Variants in PPP1R21 observed in about 807,000 individuals in gnomAD.
PPP1R21 encodes the protein KLRAQ motif containing 1.
Under a neutral mutation model 112.8 loss-of-function variants are expected in PPP1R21, and 85 were observed. The ratio of observed to expected loss-of-function variants is 0.75; its 90% CI spans 0.63 to 0.90. The LOEUF (loss-of-function observed/expected upper bound fraction) is 0.90. Ranked by LOEUF, PPP1R21 falls within the 40% of genes least tolerant of loss-of-function variation. The pLI is 0.00. For synonymous variants in PPP1R21, 381 were observed against 322.3 expected, an observed-to-expected ratio of 1.18 and a Z score of -1.95; for missense variants, 1,199 against 901.5, an observed-to-expected ratio of 1.33 and a Z score of -4.23.
At chr2:48,464,052 A>G (rs1668097479) in intron 7 of PPP1R21, among the ~76,000 whole-genome samples, 1 of 152,292 alleles carries the variant, frequency 6.6e-6, no homozygotes, top group Admixed American at 6.5e-5. Context: ...TAGGCAGAGT[A>G]AATTGTAGTG....
At chr2:48,494,726 A>C (rs936839305) in intron 15 of PPP1R21, among the ~76,000 whole-genome samples, 1 of 150,344 alleles carries the variant, frequency 6.7e-6, no homozygotes, top group East Asian at 1.9e-4. Flanking sequence ...TTATTTATTT[A>C]TTTTTGAGAT....
intron 13 of PPP1R21, among the ~76,000 whole-genome samples, chr2:48,481,682 G>T (rs1669019117): frequency 6.6e-6 from 1 of 152,004 alleles, no homozygotes; most frequent in African/African-American, 2.4e-5. Flanking sequence ...TTTGAGACTA[G>T]CCTGGGCAAC....
chr2:48,456,720 A>G (rs1303601289), intron 3 of PPP1R21, among the ~76,000 whole-genome samples: 2 of 152,196 alleles, frequency 1.3e-5, no homozygotes, highest in Admixed American at 6.5e-5. Context: ...AGAGGGTATA[A>G]CACTTATGTA....
At chr2:48,487,912 A>G (rs879649795) in intron 14 of PPP1R21, among the ~76,000 whole-genome samples, 15 of 152,142 alleles carry the variant, frequency 9.9e-5, no homozygotes, top group Non-Finnish European at 1.6e-4. Flanking sequence ...AACCAAAAGG[A>G]CTGTATTCAG....
chr2:48,492,310 C>G (rs1669603079), intron 15 of PPP1R21, among the ~76,000 whole-genome samples: 2 of 151,990 alleles, frequency 1.3e-5, no homozygotes, highest in African/African-American at 4.8e-5. Flanking sequence ...TCCTTCCTTC[C>G]TTCACTTTTC....
At chr2:48,495,637 T>A (rs1358098150) in intron 15 of PPP1R21, 42 bp from the exon 16 acceptor site, 1 of 1,086,212 alleles carries the variant, frequency 9.2e-7, no homozygotes, top group African/African-American at 1.5e-5. Flanking sequence ...GGAGGGGTGA[T>A]ACAATATTTT....
chr2:48,445,017 C>T (rs760624981), intron 1 of PPP1R21, among the ~76,000 whole-genome samples: 1 of 151,802 alleles, frequency 6.6e-6, no homozygotes, highest in Non-Finnish European at 1.5e-5. Context: ...GAGAAAGGGT[C>T]AGTTTTGATC....
At chr2:48,441,515 GT>G in intron 1 of PPP1R21, 1 of 192,890 alleles carries the variant, frequency 5.2e-6, no homozygotes, top group South Asian at 9.5e-5. Context: ...GGGATGGGTG[GT>G]TATGAATGTA....
At chr2:48,463,519 A>C (rs1476310551) in intron 7 of PPP1R21, among the ~76,000 whole-genome samples, 1 of 152,098 alleles carries the variant, frequency 6.6e-6, no homozygotes, top group Admixed American at 6.5e-5. Context: ...TAGGCAGAGC[A>C]GTGCTGTTTT....
chr2:48,511,824 T>C (rs1038161200), intron 21 of PPP1R21, among the ~76,000 whole-genome samples: 2 of 152,120 alleles, frequency 1.3e-5, no homozygotes, highest in African/African-American at 2.4e-5. Context: ...CAAGCTATGA[T>C]TGTGCCACGG....
rs756063093 is a variant in PPP1R21 at position 48,486,670 on chromosome 2, A to G, written c.1358A>G (p.His453Arg). The G allele has an allele frequency of 3.1e-6, 5 of 1,613,382 alleles. No individual in the cohort carries two copies. Among genetic ancestry groups the G allele is most frequent in the Admixed American group, 1.7e-5 (1 of 60,008 alleles). The change falls in exon 14 of 22, where the codon CAT (histidine) becomes CGT (arginine). Residue 453 changes from histidine (H) to arginine (R), a missense_variant. His to Arg is a conservative substitution (Grantham distance 29). Coordinates refer to ENST00000294952, the MANE Select transcript of PPP1R21 (RefSeq NM_001135629.3). The stretch of plus-strand genomic sequence containing the variant: ...TATAGTCAAAAAGCTGCAATAGAGC[A>G]TGAACTTCCAACAGCAACACAGAAG... ...KHYSQKAAIE[H>R]ELPTATQKLI...
chr2:48,479,892 A>T (rs748734594), intron 12 of PPP1R21, 32 bp from the exon 13 acceptor site: 2 of 1,379,694 alleles, frequency 1.4e-6, no homozygotes, highest in South Asian at 2.3e-5. Context: ...TTTTTCAGGA[A>T]AATGCTTAGA....
intron 11 of PPP1R21, among the ~76,000 whole-genome samples, chr2:48,472,445 G>C (rs1284573651): frequency 6.6e-6 from 1 of 150,712 alleles, no homozygotes; most frequent in African/African-American, 2.4e-5. Flanking sequence ...TGCCAACATG[G>C]CAAAACCCTG....
chr2:48,456,149 T>C (rs1227400150), intron 3 of PPP1R21, among the ~76,000 whole-genome samples: 4 of 152,042 alleles, frequency 2.6e-5, no homozygotes, highest in Admixed American at 6.6e-5. Context: ...GATTTAGAGA[T>C]GAGTTTTTTT....
intron 13 of PPP1R21, among the ~76,000 whole-genome samples, chr2:48,480,715 G>A (rs1668973718): frequency 6.6e-6 from 1 of 152,094 alleles, no homozygotes; most frequent in Admixed American, 6.6e-5. Flanking sequence ...GGAGGAGACG[G>A]GCAGGAGCAA....
At chr2:48,502,533 C>A (rs1670165987) in intron 17 of PPP1R21, among the ~76,000 whole-genome samples, 1 of 152,010 alleles carries the variant, frequency 6.6e-6, no homozygotes, top group South Asian at 2.1e-4. Flanking sequence ...TGTGTCTTTT[C>A]TGTCTTCTTC....
chr2:48,458,137 A>C lies in PPP1R21; in HGVS notation c.285A>C (p.Glu95Asp). ...PRGKKNKKSG[E>D]SSSQLSQEQK... Reference sequence around the variant, plus strand: ...ATTCTTTCCATCAGAAAAGTGGAGAATCTTCTTCTCAGTTGAGTCAAGAGC... The same window carrying C: ...ATTCTTTCCATCAGAAAAGTGGAGACTCTTCTTCTCAGTTGAGTCAAGAGC... Residue 95 changes from glutamate (E) to aspartate (D), a missense_variant, in exon 4 of 22, where the codon GAA becomes GAC. By Grantham distance (45) the Glu-to-Asp change is conservative. Transcript: ENST00000294952. The C allele has an allele frequency of 1.2e-6, 2 of 1,609,672 alleles. No individual in the cohort carries two copies. The highest frequency in any genetic ancestry group is 2.2e-5 in the East Asian group (1 of 44,688).
chr2:48,485,921 A>ATTGTAT (rs1669269727), intron 13 of PPP1R21, among the ~76,000 whole-genome samples: 1 of 13,314 alleles, frequency 7.5e-5, no homozygotes, highest in African/African-American at 2.6e-4. Context: ...ATACTAACTA[A>ATTGTAT]TATATACAAT....
At chr2:48,480,146 G>A (rs1468845570) in intron 13 of PPP1R21, 130 bp downstream of exon 13, 1 of 695,820 alleles carries the variant, frequency 1.4e-6, no homozygotes, top group Non-Finnish European at 2.6e-6. Context: ...TTTGGCTTAT[G>A]TTGAGTGCAC....
Sources: allele counts gnomAD v4.1 joint callset (sites outside exome capture counted in the v4.1 genomes callset), GRCh38; gene constraint gnomAD v4.1.1; transcripts MANE v1.5; gene names NCBI Gene and HGNC (gene_info 2026-07-23, HGNC 2026-07-21).